The following CDK14 variants were observed in gnomAD, a reference collection of about 807,000 sequenced individuals.
CDK14 encodes the protein cyclin dependent kinase 14.
A neutral mutation model predicts 60.7 loss-of-function variants in CDK14; 34 were observed. That is an observed-to-expected ratio of 0.56 (90% CI 0.43 to 0.75). The LOEUF is 0.75. CDK14 is among the 30% of genes least tolerant of loss of function. The pLI, the probability that CDK14 is intolerant of heterozygous loss-of-function variation, is 0.00. For synonymous variants in CDK14, 197 were observed against 203.7 expected (o/e 0.97, Z 0.28); for missense variants, 482 against 564.1 (o/e 0.85, Z 1.47).
rs146410935 is a variant in CDK14, at chr7:90,693,189, G to A, written c.124-33378G>A. On this transcript the variant is annotated intron_variant, in intron 2 of 14. Transcript: ENST00000380050. ...TTCTTCCCAAAGGTATTTAAAATGA[G>A]AATACTTCTGTGGAATGTAAATATT... 2.8e-4 allele frequency among the ~76,000 whole-genome samples: 43 copies of A among 152,216 alleles called. 1 individual carries two copies. The East Asian group carries it at 6.2e-3, about 22-fold the overall frequency.
Position 90,970,781 on chromosome 7 carries a change from GGTAT to G in CDK14, c.948-13366_948-13363del, listed in dbSNP as rs566841426. Among the ~76,000 whole-genome samples, 111 of 152,264 alleles carry G rather than the reference GGTAT, an allele frequency of 7.3e-4. 1 individual carries two copies. The South Asian group carries it at 1.0e-2, about 14-fold the overall frequency. ...CTCTTAGAAATGAAGTTAGAGTTCA[GGTAT>G]TTTGGTGAAATTACTGAGTTGATTT... is the stretch of plus-strand genomic sequence containing the variant. On this transcript the variant is annotated intron_variant, in intron 9 of 14. Coordinates refer to ENST00000380050, the MANE Select transcript of CDK14 (RefSeq NM_001287135.2).
At chr7:90,844,430 T>C (rs1320506679) in intron 5 of CDK14, among the ~76,000 whole-genome samples, 16 of 152,212 alleles carry the variant, frequency 1.1e-4, no homozygotes, top group Non-Finnish European at 2.4e-4. Flanking sequence ...CTGGAACAGA[T>C]GGTAGAAAGA....
intron 13 of CDK14, among the ~76,000 whole-genome samples, chr7:91,113,037 A>C (rs968525719): frequency 6.6e-6 from 1 of 152,202 alleles, no homozygotes; most frequent in Non-Finnish European, 1.5e-5. Flanking sequence ...GTGTCCAAAA[A>C]AATGATCTGA....
At chr7:90,782,085 T>C (rs910559317) in intron 4 of CDK14, among the ~76,000 whole-genome samples, 1 of 152,140 alleles carries the variant, frequency 6.6e-6, no homozygotes, top group African/African-American at 2.4e-5. Context: ...TATCCTCTTT[T>C]ATTTCATTGA....
At chr7:91,132,029 G>A (rs999751511) in intron 14 of CDK14, among the ~76,000 whole-genome samples, 2 of 151,820 alleles carry the variant, frequency 1.3e-5, no homozygotes, top group African/African-American at 4.9e-5. Flanking sequence ...TGGTTTTTTA[G>A]CAACCACTAT....
chr7:90,960,826 A>G (rs1021399500), intron 9 of CDK14, among the ~76,000 whole-genome samples: 1 of 152,154 alleles, frequency 6.6e-6, no homozygotes, highest in African/African-American at 2.4e-5. Flanking sequence ...AATTAGCCCT[A>G]CCATAGCCCC....
At chr7:91,005,975 C>T (rs1449070203) in intron 10 of CDK14, among the ~76,000 whole-genome samples, 1 of 152,226 alleles carries the variant, frequency 6.6e-6, no homozygotes, top group African/African-American at 2.4e-5. Flanking sequence ...TTCATAAAGA[C>T]ACCCAGTCTT....
At chr7:90,628,247 G>A (rs17869506) in intron 2 of CDK14, among the ~76,000 whole-genome samples, 7,821 of 152,180 alleles carry the variant, frequency 0.051, 239 homozygotes, top group Non-Finnish European at 0.055. Flanking sequence ...GTGAGCCACC[G>A]TGCCTGGCCA....
intron 10 of CDK14, among the ~76,000 whole-genome samples, chr7:91,010,213 T>C (rs1446949368): frequency 6.6e-6 from 1 of 152,130 alleles, no homozygotes; most frequent in Non-Finnish European, 1.5e-5. Context: ...ATTCAACTTA[T>C]ACAGACTTTT....
chr7:90,980,646 C>T (rs1299259304), intron 9 of CDK14, among the ~76,000 whole-genome samples: 1 of 152,102 alleles, frequency 6.6e-6, no homozygotes, highest in Admixed American at 6.6e-5. Flanking sequence ...TTTTCTTGTA[C>T]ATTTTATCTC....
intron 14 of CDK14, among the ~76,000 whole-genome samples, chr7:91,154,704 G>T (rs1800932234): frequency 6.6e-6 from 1 of 152,086 alleles, no homozygotes; most frequent in South Asian, 2.1e-4. Flanking sequence ...TAATTCATTT[G>T]AAGCAATTAG....
chr7:91,068,807 T>TAAAAA (rs57179045), intron 11 of CDK14, among the ~76,000 whole-genome samples: 5 of 68,790 alleles, frequency 7.3e-5, no homozygotes, highest in Admixed American at 2.3e-4. Flanking sequence ...TACCTTATAT[T>TAAAAA]AAAAAAAAAA....
At chr7:91,116,575 T>C (rs1250612670) in intron 13 of CDK14, among the ~76,000 whole-genome samples, 1 of 152,196 alleles carries the variant, frequency 6.6e-6, no homozygotes, top group Non-Finnish European at 1.5e-5. Flanking sequence ...CTATGCTGTC[T>C]TTTTAAAAAT....
intron 9 of CDK14, among the ~76,000 whole-genome samples, chr7:90,983,287 A>G (rs186890032): frequency 4.6e-5 from 7 of 152,352 alleles, no homozygotes; most frequent in East Asian, 1.9e-4. Flanking sequence ...CACAATAACA[A>G]TGAGATGGAC....
Position 90,599,250 on chromosome 7 carries a change from C to T in CDK14, c.91+2532C>T, listed in dbSNP as rs184346423. 1.3e-3 allele frequency among the ~76,000 whole-genome samples: 197 copies of T among 152,294 alleles called. 1 individual carries two copies. Among genetic ancestry groups the T allele is most frequent in the African/African-American group, 4.5e-3 (188 of 41,554 alleles). On this transcript the variant is annotated intron_variant, in intron 1 of 14. Coordinates refer to ENST00000380050, the MANE Select transcript of CDK14 (RefSeq NM_001287135.2). Reference sequence around the variant, plus strand: ...GCACATTAAATAAAGACTCAGTAAACGTTCAAGATATGTTATCATTGTTTT... The same window carrying T: ...GCACATTAAATAAAGACTCAGTAAATGTTCAAGATATGTTATCATTGTTTT...
At chr7:90,841,992 T>C in intron 5 of CDK14, among the ~76,000 whole-genome samples, 1 of 152,050 alleles carries the variant, frequency 6.6e-6, no homozygotes, top group East Asian at 1.9e-4. Flanking sequence ...TAAAAAATAA[T>C]CATAACACCT....
chr7:91,148,705 T>G (rs1323789923), intron 14 of CDK14, among the ~76,000 whole-genome samples: 2 of 152,200 alleles, frequency 1.3e-5, no homozygotes, highest in Admixed American at 1.3e-4. Flanking sequence ...CAGGAGTCCC[T>G]GGGAAATCCT....
chr7:91,103,961 C>T (rs1799215990), intron 12 of CDK14, among the ~76,000 whole-genome samples: 1 of 152,082 alleles, frequency 6.6e-6, no homozygotes, highest in Admixed American at 6.5e-5. Flanking sequence ...ATTAAAAGCA[C>T]TTGTTTCATA....
In CDK14 at chr7:90,835,147, TG is replaced by T. The variant is rs1790050982; in HGVS notation, c.545-28027del. On this transcript the variant is annotated intron_variant, in intron 5 of 14. Coordinates refer to ENST00000380050, the MANE Select transcript of CDK14 (RefSeq NM_001287135.2). ...GAGAAAATAATCTGTCAGAGGTTTT[TG>T]CGAGACAGAAACTGACTAGAAAGAA... Among the ~76,000 whole-genome samples the T allele has an allele frequency of 2.6e-5, 4 of 152,246 alleles. No individual in the cohort carries two copies. The South Asian group carries it at 8.3e-4, about 32-fold the overall frequency.
Sources: gnomAD v4.1 joint callset for allele counts (sites outside exome capture counted in the v4.1 genomes callset) on GRCh38, gnomAD v4.1.1 for gene constraint, MANE v1.5 for transcripts, NCBI Gene and HGNC (gene_info 2026-07-23, HGNC 2026-07-21) for gene names.